The following PRUNE2 variants were observed in gnomAD, a reference collection of about 807,000 sequenced individuals.
PRUNE2 encodes the protein protein prune homolog 2.
PRUNE2 carries 164 observed loss-of-function variants against 252.0 expected under a neutral mutation model. That is an observed-to-expected ratio of 0.65 (90% CI 0.57 to 0.74). The LOEUF (loss-of-function observed/expected upper bound fraction) is 0.74. Ranked by LOEUF, PRUNE2 falls within the 30% of genes least tolerant of loss-of-function variation. PRUNE2 has a pLI of 0.00. For missense variants in PRUNE2, 3,495 were observed against 3,711.0 expected, an observed-to-expected ratio of 0.94 and a Z score of 1.51; for synonymous variants, 1,292 against 1,350.2, an observed-to-expected ratio of 0.96 and a Z score of 0.94.
At position 76,822,196 on chromosome 9, in the gene PRUNE2, A is replaced by T. The variant is rs188359491; in HGVS notation, c.756+1436T>A. Reference sequence around the variant, plus strand: ...GAATATATTTGTTGAATTGATTCACATCAATAACTAGTCATATGGAGCACT... The same window carrying T: ...GAATATATTTGTTGAATTGATTCACTTCAATAACTAGTCATATGGAGCACT... On this transcript the variant is annotated intron_variant, in intron 6 of 18. Transcript: ENST00000376718. 3.5e-3 allele frequency among the ~76,000 whole-genome samples: 526 copies of T among 152,302 alleles called. 2 individuals are homozygous for T. Among genetic ancestry groups the T allele is most frequent in the African/African-American group, 0.012 (498 of 41,590 alleles).
chr9:76,683,958 T>C (rs529504640), intron 9 of PRUNE2, among the ~76,000 whole-genome samples: 7 of 151,202 alleles, frequency 4.6e-5, no homozygotes, highest in Non-Finnish European at 1.0e-4. Context: ...TATATATATA[T>C]ACACATATAT....
intron 6 of PRUNE2, among the ~76,000 whole-genome samples, chr9:76,799,357 A>T (rs898818592): frequency 9.9e-5 from 15 of 152,172 alleles, no homozygotes; most frequent in African/African-American, 3.6e-4. Context: ...AAAAAAAAAA[A>T]AAATCAGTGA....
intron 1 of PRUNE2, among the ~76,000 whole-genome samples, chr9:76,864,781 C>T (rs11794343): frequency 0.049 from 7,418 of 152,282 alleles, 315 homozygotes; most frequent in East Asian, 0.19. Flanking sequence ...TATTCAGTCT[C>T]ATTAGTAGTC....
chr9:76,858,890 C>T (rs1037154261), intron 1 of PRUNE2, among the ~76,000 whole-genome samples: 2 of 152,090 alleles, frequency 1.3e-5, no homozygotes, highest in African/African-American at 4.8e-5. Flanking sequence ...TGAGAGCAGG[C>T]CCAGCATGTT....
At chr9:76,816,004 T>C (rs549362870) in intron 6 of PRUNE2, among the ~76,000 whole-genome samples, 1 of 151,812 alleles carries the variant, frequency 6.6e-6, no homozygotes, top group South Asian at 2.1e-4. Context: ...CTACTAAAAA[T>C]ACAAAAAATT....
chr9:76,668,644 C>G (rs2040682287), intron 9 of PRUNE2, among the ~76,000 whole-genome samples: 1 of 151,904 alleles, frequency 6.6e-6, no homozygotes, highest in Non-Finnish European at 1.5e-5. Flanking sequence ...CTCTGGGAGC[C>G]CCTCCCTCTG....
rs143658701 is a variant in PRUNE2, at chr9:76,709,902, G to T, written c.2372C>A (p.Pro791Gln). Residue 791 changes from proline to glutamine, a missense_variant, in exon 8 of 19, where the codon CCA (proline) becomes CAA (glutamine). Coordinates refer to ENST00000376718, the MANE Select transcript of PRUNE2 (RefSeq NM_015225.3). ...GGCTGGGAATGGCGCCACAGCTGCT[G>T]GTTCACCATCATCTGTAGGATTTCC... Reference protein sequence around the residue: ...PWGNPTDDGEPAAVAPFPAWS... With the variant: ...PWGNPTDDGEQAAVAPFPAWS... 6.7e-4 allele frequency: 1,074 copies of T among 1,613,822 alleles called. 9 individuals are homozygous for T. In the East Asian group the frequency reaches 0.017, roughly 26 times the overall value.
chr9:76,779,676 T>A (rs2131163341), intron 6 of PRUNE2: 1 of 152,340 alleles, frequency 6.6e-6, no homozygotes, highest in African/African-American at 2.4e-5. Flanking sequence ...TCCACTGTAT[T>A]GTCTGAAATG....
rs1438104402 is a variant in PRUNE2 at position 76,705,420 on chromosome 9, A to G, written c.6854T>C (p.Leu2285Ser). The change falls in exon 8 of 19, where the codon TTG (leucine) becomes TCG (serine). Residue 2285 changes from leucine (L) to serine (S), a missense_variant. Coordinates refer to ENST00000376718, the MANE Select transcript of PRUNE2 (RefSeq NM_015225.3). ...TENPALVPDA[L>S]LASDTCLDIS... ...ATCCAGACAAGTGTCTGAGGCTAGC[A>G]AAGCATCAGGAACCAAGGCAGGATT... 1 of 1,613,990 alleles carries G rather than the reference A, an allele frequency of 6.2e-7. No homozygotes were observed. Among genetic ancestry groups the G allele is most frequent in the Non-Finnish European group, 8.5e-7 (1 of 1,179,866 alleles).
chr9:76,764,102 A>G (rs1030611401), intron 6 of PRUNE2, among the ~76,000 whole-genome samples: 3 of 152,228 alleles, frequency 2.0e-5, no homozygotes, highest in African/African-American at 7.2e-5. Flanking sequence ...GTTGATTCAC[A>G]GAGCAAATAC....
chr9:76,903,251 T>C (rs558641584), intron 1 of PRUNE2, among the ~76,000 whole-genome samples: 165 of 152,360 alleles, frequency 1.1e-3, no homozygotes, highest in Middle Eastern at 3.4e-3. Flanking sequence ...TTTTGCCTAT[T>C]GGAATTAGCT....
At position 76,709,740 on chromosome 9, in the gene PRUNE2, G is replaced by A. The variant is rs2046575895; in HGVS notation, c.2534C>T (p.Ser845Phe). Residue 845 changes from serine (S) to phenylalanine (F), a missense_variant, in exon 8 of 19, where the codon TCT becomes TTT. Physicochemically the swap from Ser to Phe is radical, Grantham distance 155 (BLOSUM62 -2). Coordinates refer to ENST00000376718, the MANE Select transcript of PRUNE2 (RefSeq NM_015225.3). Reference sequence around the variant, plus strand: ...GGGTGAATTGTCCAGTAGTTCTGAAGAAGAAAAGGCAAACCCACTTTTTGC... The same window carrying A: ...GGGTGAATTGTCCAGTAGTTCTGAAAAAGAAAAGGCAAACCCACTTTTTGC... ...AMAKSGFAFS[S>F]SELLDNSPSE... is the part of the protein sequence containing the mutation. 2 of 1,613,880 alleles carry A rather than the reference G, an allele frequency of 1.2e-6. No individual in the cohort carries two copies. The highest frequency in any genetic ancestry group is 2.2e-5 in the South Asian group (2 of 91,082).
rs559569408 is a variant in PRUNE2, at chr9:76,706,157, G to A, written c.6117C>T (p.Thr2039=). The change falls in exon 8 of 19, where the codon ACC becomes ACT. Residue 2039 remains threonine (T), a synonymous_variant. Coordinates refer to ENST00000376718, the MANE Select transcript of PRUNE2 (RefSeq NM_015225.3). Reference sequence around the variant, plus strand: ...AGGTACCTCGGGAGTCCTCACTTGGGGTAGAGCCATCCCATTCAGAGCCTG... The same window carrying A: ...AGGTACCTCGGGAGTCCTCACTTGGAGTAGAGCCATCCCATTCAGAGCCTG... ...MKPGSEWDGS[T]PSEDSRGTFV... is the part of the protein sequence containing the mutation. 8.1e-6 allele frequency: 13 copies of A among 1,613,982 alleles called. No homozygotes were observed. Among genetic ancestry groups the A allele is most frequent in the Middle Eastern group, 3.3e-4 (2 of 6,062 alleles).
intron 6 of PRUNE2, among the ~76,000 whole-genome samples, chr9:76,714,008 TCAGA>T (rs1254926253): frequency 4.5e-4 from 68 of 152,360 alleles, no homozygotes; most frequent in Middle Eastern, 3.4e-3. Context: ...AAATATTTAT[TCAGA>T]TGCTTAATTT....
chr9:76,642,344 A>T (rs1222258651), intron 12 of PRUNE2, among the ~76,000 whole-genome samples: 1 of 152,204 alleles, frequency 6.6e-6, no homozygotes, highest in African/African-American at 2.4e-5. Context: ...TTTGAGCCCC[A>T]TTCTTCTACA....
Position 76,713,690 on chromosome 9 carries a change from T to G in PRUNE2, c.788A>C (p.Asp263Ala), listed in dbSNP as rs1465663536. 5.0e-6 allele frequency: 8 copies of G among 1,599,066 alleles called. No homozygotes were observed. Among genetic ancestry groups the G allele is most frequent in the Non-Finnish European group, 6.8e-6 (8 of 1,172,204 alleles). Residue 263 changes from aspartate (D) to alanine (A), a missense_variant, in exon 7 of 19, where the codon GAC (aspartate) becomes GCC (alanine). Physicochemically the swap from Asp to Ala is moderately radical, Grantham distance 126. Transcript: ENST00000376718. ...AAACTTGTCTGTAAATGCTTTCAAG[T>G]CACTGGTAATATTGCTGTGAAATAG... ...NCLFHSNITS[D>A]LKAFTDKFGF...
chr9:76,838,730 A>G (rs964388402), intron 4 of PRUNE2, among the ~76,000 whole-genome samples: 5 of 152,052 alleles, frequency 3.3e-5, no homozygotes, highest in Non-Finnish European at 7.4e-5. Flanking sequence ...TTAAAACTAT[A>G]AAGAAAAGCA....
At chr9:76,702,358 G>A (rs1404658189) in intron 9 of PRUNE2, among the ~76,000 whole-genome samples, 4 of 152,082 alleles carry the variant, frequency 2.6e-5, no homozygotes, top group East Asian at 1.9e-4. Context: ...GCACCTGGCC[G>A]ATATCTTTTC....
chr9:76,898,272 C>T (rs555223814), intron 1 of PRUNE2, among the ~76,000 whole-genome samples: 3 of 152,338 alleles, frequency 2.0e-5, no homozygotes, highest in Non-Finnish European at 4.4e-5. Context: ...TGATTTAGGG[C>T]AGGCAGCCTC....
Sources: gnomAD v4.1 joint callset for allele counts (sites outside exome capture counted in the v4.1 genomes callset) on GRCh38, gnomAD v4.1.1 for gene constraint, MANE v1.5 for transcripts, NCBI Gene and HGNC (gene_info 2026-07-23, HGNC 2026-07-21) for gene names.